The following DICER1 variants were observed in gnomAD, a reference collection of about 807,000 sequenced individuals.
DICER1 encodes the protein endoribonuclease Dicer.
Under a neutral mutation model 194.1 loss-of-function variants are expected in DICER1, and 43 were observed. The ratio of observed to expected loss-of-function variants is 0.22; its 90% CI spans 0.17 to 0.29. The LOEUF (loss-of-function observed/expected upper bound fraction) is 0.29. Ranked by LOEUF, DICER1 falls within the 10% of genes least tolerant of loss-of-function variation. The pLI, the probability that DICER1 is intolerant of heterozygous loss-of-function variation, is 1.00. For missense variants in DICER1, 1,608 were observed against 2,317.0 expected, an observed-to-expected ratio of 0.69 and a Z score of 6.28; for synonymous variants, 832 against 820.5, an observed-to-expected ratio of 1.01 and a Z score of -0.24.
chr14:95,105,920 G>A lies in DICER1; in HGVS notation c.2987+121C>T. The A allele has an allele frequency of 7.1e-7, 1 of 1,405,070 alleles. No homozygotes were observed. The highest frequency in any genetic ancestry group is 1.0e-6 in the Non-Finnish European group (1 of 990,630). The allele number at this position is 1,405,070 out of a possible 1,614,324, so 87.0% of individuals were successfully genotyped here. ...CCCCTTGGGCAAGTTTGTGTGCAAA[G>A]CATCTCCTGATTTCAGATAGTCCAC... is the stretch of plus-strand genomic sequence containing the variant. On this transcript the variant is annotated intron_variant, in intron 18 of 26. Coordinates refer to ENST00000343455, the MANE Select transcript of DICER1 (RefSeq NM_177438.3). This position sits in a 1 kb window ranked among gnomAD's most constrained non-coding sequence, Gnocchi z 4.9.
chr14:95,101,718 C>T (rs1278990285), intron 21 of DICER1, among the ~76,000 whole-genome samples: 1 of 152,216 alleles, frequency 6.6e-6, no homozygotes, highest in African/African-American at 2.4e-5. Flanking sequence ...ACACTCCTGA[C>T]TCTCCCAGAT....
chr14:95,117,472 G>A, intron 9 of DICER1, 150 bp downstream of exon 9: 8 of 818,004 alleles, frequency 9.8e-6, no homozygotes, highest in Non-Finnish European at 1.6e-5. Flanking sequence ...TACCTCATGG[G>A]GACAGCTGGT....
intron 1 of DICER1, among the ~76,000 whole-genome samples, chr14:95,155,486 A>G (rs1248170204): frequency 6.6e-6 from 1 of 152,254 alleles, no homozygotes; most frequent in Non-Finnish European, 1.5e-5. Context: ...AAGAATCATG[A>G]GCCACATCAA....
chr14:95,088,092 A>C lies in DICER1; in HGVS notation c.*2406T>G, dbSNP rs1889484664. 4.3e-6 allele frequency: 1 copy of C among 232,980 alleles called. No individual in the cohort carries two copies. Among genetic ancestry groups the C allele is most frequent in the Non-Finnish European group, 8.5e-6 (1 of 117,654 alleles). 14.4% of individuals were successfully genotyped at this position (232,980 alleles called of 1,614,324 possible). ...AACCAGGGGATCACAGAATGCTTCA[A>C]ACTGTGAGTCAAATTAAAATCTACT... On this transcript the variant is annotated 3_prime_UTR_variant, in exon 27 of 27. Transcript: ENST00000343455.
chr14:95,108,524 T>A (rs142656566), intron 14 of DICER1, 21 bp from the exon 15 acceptor site: 2 of 1,609,734 alleles, frequency 1.2e-6, no homozygotes, highest in Non-Finnish European at 1.7e-6. Flanking sequence ...AAAGGAAAAT[T>A]AAGCGTCATG....
intron 14 of DICER1, among the ~76,000 whole-genome samples, chr14:95,110,857 C>G (rs1294462052): frequency 6.6e-6 from 1 of 152,150 alleles, no homozygotes; most frequent in African/African-American, 2.4e-5. Context: ...CACTGGGAAT[C>G]TGACATAACT....
intron 23 of DICER1, among the ~76,000 whole-genome samples, chr14:95,095,100 T>A (rs1285890770): frequency 3.9e-5 from 6 of 152,258 alleles, no homozygotes; most frequent in African/African-American, 1.4e-4. Context: ...CCTACGCTGC[T>A]TTTATTATAT....
chr14:95,127,846 A>G (rs952767767), intron 6 of DICER1, among the ~76,000 whole-genome samples: 10 of 152,228 alleles, frequency 6.6e-5, no homozygotes, highest in African/African-American at 2.4e-4. Flanking sequence ...TTAGACTTCC[A>G]TCTTTTGCCC....
At chr14:95,111,545 C>A in intron 13 of DICER1, 89 bp from the exon 14 acceptor site, 1 of 1,413,234 alleles carries the variant, frequency 7.1e-7, no homozygotes, top group Non-Finnish European at 1.0e-6. Flanking sequence ...TTAGAAGGAC[C>A]TGGAAAAGTA....
At position 95,133,130 on chromosome 14, in the gene DICER1, C is replaced by G. The variant is rs531957175; in HGVS notation, c.144+185G>C. On this transcript the variant is annotated intron_variant, in intron 2 of 26. Transcript: ENST00000343455. ...AACTTCACAAATACAACTATCAAAT[C>G]CAATTACCCAGCAGATGTTAGAAAA... Among the ~76,000 whole-genome samples, 3 of 152,144 alleles carry G rather than the reference C, an allele frequency of 2.0e-5. No individual in the cohort carries two copies. In the East Asian group the frequency reaches 5.8e-4, roughly 29 times the overall value.
chr14:95,100,004 A>G (rs1051044726), intron 21 of DICER1, 69 bp from the exon 22 acceptor site: 8 of 1,530,598 alleles, frequency 5.2e-6, no homozygotes, highest in Non-Finnish European at 7.2e-6. Flanking sequence ...AGGCATATTA[A>G]CATATCCTCA....
chr14:95,092,562 AACTT>A (rs986242666), intron 24 of DICER1, among the ~76,000 whole-genome samples: 14 of 152,208 alleles, frequency 9.2e-5, no homozygotes, highest in African/African-American at 3.4e-4. Flanking sequence ...GGAATTTTAA[AACTT>A]ACCAAGTTTA....
At chr14:95,130,730 C>T (rs1039293723) in intron 4 of DICER1, among the ~76,000 whole-genome samples, 2 of 152,182 alleles carry the variant, frequency 1.3e-5, no homozygotes, top group Non-Finnish European at 2.9e-5. Flanking sequence ...CAATGACCAA[C>T]ACACCAAAAG....
At chr14:95,137,359 AGGAAAAG>A (rs1442551923) in intron 1 of DICER1, among the ~76,000 whole-genome samples, 3 of 132,304 alleles carry the variant, frequency 2.3e-5, no homozygotes, top group Non-Finnish European at 3.1e-5. Context: ...GGAAAGAGGA[AGGAAAAG>A]GGAAGGGGGA....
intron 12 of DICER1, 94 bp downstream of exon 12, chr14:95,112,998 A>T: frequency 7.4e-7 from 1 of 1,359,708 alleles, no homozygotes; most frequent in Non-Finnish European, 1.0e-6. Flanking sequence ...TTTAAAATCA[A>T]ATTTACCTAT....
chr14:95,112,340 T>C, intron 12 of DICER1, 93 bp from the exon 13 acceptor site: 2 of 1,038,058 alleles, frequency 1.9e-6, no homozygotes, highest in Middle Eastern at 2.0e-4. Context: ...CCCAACATTT[T>C]TAAAGTTCAA....
chr14:95,086,894 A>T lies in DICER1; in HGVS notation c.*3604T>A. Reference sequence around the variant, plus strand: ...TAATTAAAACAACCATATAGGTAATAAACATGACATGAGTTTCTCTTCTGC... The same window carrying T: ...TAATTAAAACAACCATATAGGTAATTAACATGACATGAGTTTCTCTTCTGC... On this transcript the variant is annotated 3_prime_UTR_variant, in exon 27 of 27. Transcript: ENST00000343455. 1 of 232,836 alleles carries T rather than the reference A, an allele frequency of 4.3e-6. No homozygotes were observed. Among genetic ancestry groups the T allele is most frequent in the Non-Finnish European group, 8.5e-6 (1 of 117,798 alleles). The allele number at this position is 232,836 out of a possible 1,614,324, so 14.4% of individuals were successfully genotyped here. A position where few individuals can be genotyped will look rare whatever the true frequency, so the allele number is the denominator to read the frequency against.
At chr14:95,123,644 A>G (rs1313205703) in intron 8 of DICER1, among the ~76,000 whole-genome samples, 1 of 152,132 alleles carries the variant, frequency 6.6e-6, no homozygotes, top group African/African-American at 2.4e-5. Context: ...GAACTCAAAC[A>G]ATCTACCTGC....
At chr14:95,103,046 G>C (rs1469225948) in intron 21 of DICER1, among the ~76,000 whole-genome samples, 1 of 152,226 alleles carries the variant, frequency 6.6e-6, no homozygotes, top group African/African-American at 2.4e-5. Flanking sequence ...GGATCAAGGG[G>C]TGTACACACT....
Sources: allele counts gnomAD v4.1 joint callset (sites outside exome capture counted in the v4.1 genomes callset), GRCh38; gene constraint gnomAD v4.1.1; non-coding constraint Gnocchi (gnomAD v3.1); transcripts MANE v1.5; gene names NCBI Gene and HGNC (gene_info 2026-07-23, HGNC 2026-07-21).